Variants in DTNB observed in about 807,000 individuals in gnomAD.
The protein encoded by DTNB is DTN-B.
In DTNB, 63 loss-of-function variants were observed where a neutral mutation model predicts 90.7. The observed-to-expected ratio is 0.69, with a 90% CI of 0.57 to 0.86. The LOEUF (loss-of-function observed/expected upper bound fraction) is 0.86. Among genes scored for constraint, DTNB ranks in the 40% least tolerant of loss-of-function variants. DTNB has a pLI of 0.00. For synonymous variants in DTNB, 277 were observed against 286.7 expected (o/e 0.97, Z 0.34); for missense variants, 744 against 807.1 (o/e 0.92, Z 0.95).
At chr2:25,453,011 T>C (rs2059497817) in intron 11 of DTNB, among the ~76,000 whole-genome samples, 1 of 152,002 alleles carries the variant, frequency 6.6e-6, no homozygotes, top group Admixed American at 6.6e-5. Flanking sequence ...TTTAAAGGTA[T>C]TTGTCTGAAA....
chr2:25,664,468 T>C (rs1346712532), intron 1 of DTNB, among the ~76,000 whole-genome samples: 1 of 152,146 alleles, frequency 6.6e-6, no homozygotes, highest in Non-Finnish European at 1.5e-5. Context: ...GCTAAAACAA[T>C]ATAAGCAGGT....
intron 8 of DTNB, among the ~76,000 whole-genome samples, chr2:25,542,448 T>C (rs982904462): frequency 1.3e-5 from 2 of 152,238 alleles, no homozygotes; most frequent in African/African-American, 2.4e-5. Flanking sequence ...TTTTCATTTA[T>C]ATTTGTAAGA....
At position 25,607,117 on chromosome 2, in the gene DTNB, G is replaced by T. The variant is rs771943031; in HGVS notation, c.448+119C>A. On this transcript the variant is annotated intron_variant, in intron 5 of 20. Coordinates refer to ENST00000406818, the MANE Select transcript of DTNB (RefSeq NM_021907.5). ...CCTACTGTGAGCCAGCTGCTGCAGC[G>T]TGAGTGACATGGTAATTTTTTTAAA... 1.5e-3 allele frequency: 1,574 copies of T among 1,058,978 alleles called. 2 individuals are homozygous for T. Among genetic ancestry groups the T allele is most frequent in the Non-Finnish European group, 1.8e-3 (1,314 of 733,706 alleles). The allele number at this position is 1,058,978 out of a possible 1,614,324, so 65.6% of individuals were successfully genotyped here.
At chr2:25,417,299 C>T (rs570383494) in intron 16 of DTNB, among the ~76,000 whole-genome samples, 1 of 152,318 alleles carries the variant, frequency 6.6e-6, no homozygotes, top group Admixed American at 6.5e-5. Context: ...TTGCCAACTT[C>T]AAGGGGATGG....
At chr2:25,536,742 C>T (rs893076496) in intron 8 of DTNB, among the ~76,000 whole-genome samples, 14 of 151,874 alleles carry the variant, frequency 9.2e-5, no homozygotes, top group African/African-American at 2.7e-4. Flanking sequence ...AGATGGGAGA[C>T]GGGAGAGGGG....
chr2:25,508,512 T>C (rs1026747858), intron 9 of DTNB, among the ~76,000 whole-genome samples: 4 of 151,228 alleles, frequency 2.6e-5, no homozygotes, highest in African/African-American at 9.7e-5. Flanking sequence ...TGTTTTTTTT[T>C]TTTTGAGATG....
intron 6 of DTNB, among the ~76,000 whole-genome samples, chr2:25,589,713 T>C (rs2063188822): frequency 6.6e-6 from 1 of 152,148 alleles, no homozygotes; most frequent in Non-Finnish European, 1.5e-5. Flanking sequence ...AATTAAAAAT[T>C]CCGTGCAAGG....
At chr2:25,660,302 T>A (rs953102929) in intron 1 of DTNB, among the ~76,000 whole-genome samples, 1 of 152,240 alleles carries the variant, frequency 6.6e-6, no homozygotes, top group Non-Finnish European at 1.5e-5. Flanking sequence ...GAAAACACTA[T>A]GCTAAATGAA....
chr2:25,604,540 G>C (rs964366150), intron 5 of DTNB, among the ~76,000 whole-genome samples: 1 of 151,966 alleles, frequency 6.6e-6, no homozygotes, highest in Non-Finnish European at 1.5e-5. Flanking sequence ...CTGAGGAGCT[G>C]GGACCTCAGG....
intron 8 of DTNB, among the ~76,000 whole-genome samples, chr2:25,572,398 C>T (rs1466971641): frequency 2.0e-5 from 3 of 150,684 alleles, no homozygotes; most frequent in African/African-American, 7.3e-5. Context: ...ACCCAGGAGG[C>T]GGAGCTTGCA....
chr2:25,619,763 C>T (rs1213875253), intron 4 of DTNB, among the ~76,000 whole-genome samples: 3 of 152,028 alleles, frequency 2.0e-5, no homozygotes, highest in Non-Finnish European at 2.9e-5. Flanking sequence ...GGGTTGAGGC[C>T]GGGTGCAGTG....
At chr2:25,493,893 C>T (rs558893759) in intron 9 of DTNB, among the ~76,000 whole-genome samples, 1 of 151,608 alleles carries the variant, frequency 6.6e-6, no homozygotes, top group East Asian at 1.9e-4. Context: ...AGATCAAATC[C>T]TATATGATGA....
intron 9 of DTNB, among the ~76,000 whole-genome samples, chr2:25,512,940 G>A (rs895455752): frequency 2.6e-5 from 4 of 152,228 alleles, no homozygotes; most frequent in Admixed American, 6.5e-5. Context: ...ATTCCAGCAC[G>A]AGGAGTGCCT....
chr2:25,621,554 C>G (rs2072655692), intron 4 of DTNB, among the ~76,000 whole-genome samples: 1 of 147,498 alleles, frequency 6.8e-6, no homozygotes, highest in Non-Finnish European at 1.5e-5. Flanking sequence ...TCAAGCGATT[C>G]TCCTGCCTCA....
chr2:25,637,845 A>C (rs533740377), intron 3 of DTNB, among the ~76,000 whole-genome samples: 16 of 152,324 alleles, frequency 1.1e-4, no homozygotes, highest in Admixed American at 8.5e-4. Context: ...TTGACCCAGC[A>C]ATCCCATTAC....
chr2:25,471,915 G>A (rs1270249721), intron 10 of DTNB, among the ~76,000 whole-genome samples: 2 of 152,076 alleles, frequency 1.3e-5, no homozygotes, highest in South Asian at 2.1e-4. Flanking sequence ...CATGTGAAAC[G>A]CAATGTAATA....
intron 14 of DTNB, among the ~76,000 whole-genome samples, chr2:25,428,435 C>CTT (rs1231871744): frequency 1.2e-4 from 17 of 141,192 alleles, no homozygotes; most frequent in African/African-American, 2.1e-4. Context: ...ATCCTGCTTT[C>CTT]TTTTTTTTTT....
chr2:25,493,236 A>G (rs960620264), intron 9 of DTNB, among the ~76,000 whole-genome samples: 81 of 152,082 alleles, frequency 5.3e-4, no homozygotes, highest in African/African-American at 2.0e-3. Context: ...CTTTTTTTGT[A>G]TTCCCCATAA....
chr2:25,498,218 G>A (rs1418836172), intron 9 of DTNB, among the ~76,000 whole-genome samples: 1 of 152,120 alleles, frequency 6.6e-6, no homozygotes, highest in East Asian at 1.9e-4. Context: ...TAGTCAAAAT[G>A]AAACCCTTAC....
Sources: allele counts gnomAD v4.1 joint callset (sites outside exome capture counted in the v4.1 genomes callset), GRCh38; gene constraint gnomAD v4.1.1; transcripts MANE v1.5; gene names NCBI Gene and HGNC (gene_info 2026-07-23, HGNC 2026-07-21).